The following SYNE1 variants were observed in gnomAD, a reference collection of about 807,000 sequenced individuals.
SYNE1 encodes nesprin-1.
A neutral mutation model predicts 1,111.0 loss-of-function variants in SYNE1; 616 were observed. That is an observed-to-expected ratio of 0.55 (90% CI 0.52 to 0.59). The LOEUF is 0.59. Ranked by LOEUF, SYNE1 falls within the 20% of genes least tolerant of loss-of-function variation. SYNE1 has a pLI of 0.00. For missense variants in SYNE1, 10,006 were observed against 10,417.0 expected (o/e 0.96, Z 1.72); for synonymous variants, 3,855 against 3,825.8 (o/e 1.01, Z -0.28).
chr6:152,122,976 G>A (rs1260698726), intron 145 of SYNE1, among the ~76,000 whole-genome samples: 2 of 152,138 alleles, frequency 1.3e-5, no homozygotes, highest in Non-Finnish European at 2.9e-5. Context: ...GAAAATAACT[G>A]CTCTATACAC....
chr6:152,217,900 T>C (rs1037913240), intron 121 of SYNE1, among the ~76,000 whole-genome samples: 6 of 152,132 alleles, frequency 3.9e-5, no homozygotes, highest in Non-Finnish European at 5.9e-5. Flanking sequence ...AGAGTGGGTC[T>C]ACATCAGCTT....
In SYNE1 at chr6:152,149,490, A is replaced by T. The variant is rs758774660; in HGVS notation, c.24629T>A (p.Leu8210Gln). The T allele has an allele frequency of 1.2e-6, 2 of 1,614,184 alleles. No individual in the cohort carries two copies. Among genetic ancestry groups the T allele is most frequent in the Non-Finnish European group, 8.5e-7 (1 of 1,180,034 alleles). The change falls in exon 136 of 146, where the codon CTG becomes CAG. Residue 8210 changes from leucine to glutamine, a missense_variant. Physicochemically the swap from Leu to Gln is moderately radical, Grantham distance 113. This residue lies in a region of SYNE1 where 761 missense variants were observed against 795.5 expected (regional missense o/e 0.96). Coordinates refer to ENST00000367255, the MANE Select transcript of SYNE1 (RefSeq NM_182961.4). ...FGRVERYHKK[L>Q]IRLPLPDDEH... ...AATGTTACATACAGGCAGGCGGATC[A>T]GTTTCTTATGGTATCTTTCCACACG... is the stretch of plus-strand genomic sequence containing the variant.
At chr6:152,163,733 C>T (rs1378919740) in intron 131 of SYNE1, among the ~76,000 whole-genome samples, 3 of 151,936 alleles carry the variant, frequency 2.0e-5, no homozygotes, top group African/African-American at 7.3e-5. Context: ...CTAAGTATGC[C>T]TTGTAATCTT....
intron 84 of SYNE1, among the ~76,000 whole-genome samples, chr6:152,320,940 A>G (rs1563042267): frequency 6.6e-6 from 1 of 152,230 alleles, no homozygotes; most frequent in East Asian, 1.9e-4. Context: ...CACTCTGGGC[A>G]TTCACTAAAT....
intron 3 of SYNE1, among the ~76,000 whole-genome samples, chr6:152,569,596 T>A (rs2099435163): frequency 6.6e-6 from 1 of 152,106 alleles, no homozygotes; most frequent in African/African-American, 2.4e-5. Flanking sequence ...TTTGCATATC[T>A]GTAGTAGAAT....
chr6:152,325,091 T>C lies in SYNE1; in HGVS notation c.15650A>G (p.Asn5217Ser), dbSNP rs1298214965. The change falls in exon 81 of 146, where the codon AAC becomes AGC. Residue 5217 changes from asparagine (N) to serine (S), a missense_variant. Physicochemically the swap from Asn to Ser is conservative, Grantham distance 46 (BLOSUM62 1). This residue lies in a region of SYNE1 where 4,955 missense variants were observed against 5,017.2 expected (regional missense o/e 0.99). Transcript: ENST00000367255. The stretch of plus-strand genomic sequence containing the variant: ...ATGGACAGTGGAAACTACCTTGTTG[T>C]TAAAGCCCGTCCACTCATCCACTGC... ...EDAVDEWTGF[N>S]NKVKKATEMI... 3 of 1,613,882 alleles carry C rather than the reference T, an allele frequency of 1.9e-6. No individual in the cohort carries two copies. Among genetic ancestry groups the C allele is most frequent in the East Asian group, 2.2e-5 (1 of 44,884 alleles).
In SYNE1 at chr6:152,329,729, C is replaced by A. The variant is rs774989271; in HGVS notation, c.14955+1G>T. On this transcript the variant is annotated splice_donor_variant, in intron 78 of 145. Transcript: ENST00000367255. LOFTEE classifies it high-confidence loss of function. ...GAGAAGTGAAGTCCTATTATACCCA[C>A]CTGTCTGGTGCGTAAGGCTTCCTGG... The A allele has an allele frequency of 6.2e-7, 1 of 1,614,184 alleles. No individual in the cohort carries two copies. The highest frequency in any genetic ancestry group is 1.1e-5 in the South Asian group (1 of 91,084).
intron 127 of SYNE1, among the ~76,000 whole-genome samples, chr6:152,196,565 A>G (rs78728797): frequency 0.017 from 2,632 of 152,030 alleles, 67 homozygotes; most frequent in African/African-American, 0.06. Flanking sequence ...GGGTGTGTCT[A>G]GAAATGTCTG....
Position 152,326,073 on chromosome 6 carries a change from T to G in SYNE1, c.15323A>C (p.Lys5108Thr), listed in dbSNP as rs1463205294. 7 of 1,614,020 alleles carry G rather than the reference T, an allele frequency of 4.3e-6. No individual in the cohort carries two copies. In the East Asian group the frequency reaches 1.6e-4, roughly 36 times the overall value. ...RCTAQWHDYQ[K>T]AREEVIELMN... The stretch of plus-strand genomic sequence containing the variant: ...CAATTCAATAACCTCTTCCCTTGCT[T>G]TCTGGTAATCGTGCCATTGAGCTGT... Residue 5108 changes from lysine (K) to threonine (T), a missense_variant, in exon 80 of 146, where the codon AAA becomes ACA. Coordinates refer to ENST00000367255, the MANE Select transcript of SYNE1 (RefSeq NM_182961.4).
intron 38 of SYNE1, 97 bp from the exon 39 acceptor site, chr6:152,425,644 T>G: frequency 7.1e-7 from 1 of 1,402,114 alleles, no homozygotes. Context: ...TTCGCATTCT[T>G]GCAAAATGCA....
chr6:152,469,251 G>A (rs778876325), intron 16 of SYNE1, among the ~76,000 whole-genome samples: 14 of 152,108 alleles, frequency 9.2e-5, no homozygotes, highest in Non-Finnish European at 1.8e-4. Flanking sequence ...GCTCTATGAG[G>A]TGTTAACATA....
At chr6:152,225,192 T>G (rs2081264071) in intron 116 of SYNE1, among the ~76,000 whole-genome samples, 1 of 151,490 alleles carries the variant, frequency 6.6e-6, no homozygotes, top group South Asian at 2.1e-4. Context: ...ATGTGAGAAA[T>G]TTCAATTTGA....
intron 108 of SYNE1, among the ~76,000 whole-genome samples, chr6:152,238,805 G>T (rs764350209): frequency 3.9e-5 from 6 of 152,016 alleles, no homozygotes; most frequent in Non-Finnish European, 8.8e-5. Flanking sequence ...TTTCCACGGG[G>T]TTCTATAGCT....
rs541079701 is a variant in SYNE1, at chr6:152,221,772, G to T, written c.21523-213C>A. Among the ~76,000 whole-genome samples the T allele has an allele frequency of 2.6e-5, 4 of 152,298 alleles. No homozygotes were observed. In the East Asian group the frequency reaches 5.8e-4, roughly 22 times the overall value. On this transcript the variant is annotated intron_variant, in intron 117 of 145. Transcript: ENST00000367255. ...TTTTGGCTATGAGAAGAGGTTCTGA[G>T]CAATGAAGCCTTCTTCTATTGGCAT...
At chr6:152,421,752 C>T (rs2098264842) in intron 39 of SYNE1, among the ~76,000 whole-genome samples, 1 of 151,480 alleles carries the variant, frequency 6.6e-6, no homozygotes, top group Non-Finnish European at 1.5e-5. Context: ...GTTGCCCAGG[C>T]TGGAGTGCAA....
intron 48 of SYNE1, among the ~76,000 whole-genome samples, chr6:152,399,344 G>A (rs1285506086): frequency 6.6e-6 from 1 of 152,154 alleles, no homozygotes; most frequent in East Asian, 1.9e-4. Context: ...ACACACATGA[G>A]CTATATATAG....
chr6:152,620,039 C>T (rs898499925), intron 3 of SYNE1, among the ~76,000 whole-genome samples: 9 of 152,138 alleles, frequency 5.9e-5, no homozygotes, highest in Admixed American at 1.3e-4. Flanking sequence ...GGCAGGCACA[C>T]GCGCACCGGC....
chr6:152,437,966 A>G (rs1002272998), intron 32 of SYNE1, among the ~76,000 whole-genome samples: 45 of 152,204 alleles, frequency 3.0e-4, no homozygotes, highest in African/African-American at 9.2e-4. Flanking sequence ...GTTGGCCAAG[A>G]TTGTGCCACT....
At chr6:152,512,896 A>C (rs1369873825) in intron 6 of SYNE1, among the ~76,000 whole-genome samples, 1 of 152,138 alleles carries the variant, frequency 6.6e-6, no homozygotes, top group Non-Finnish European at 1.5e-5. Context: ...AGAATGAAGA[A>C]TTTCCAGAAG....
Sources: gnomAD v4.1 joint callset for allele counts (sites outside exome capture counted in the v4.1 genomes callset) on GRCh38, gnomAD v4.1.1 for gene constraint, gnomAD v4.1.1 regional missense constraint, MANE v1.5 for transcripts, NCBI Gene and HGNC (gene_info 2026-07-23, HGNC 2026-07-21) for gene names.